ADAMTSL1: variants seen among roughly 807,000 people sequenced by gnomAD.
ADAMTSL1 encodes the protein ADAMTS like 1, also known as ADAMTS-like protein 1.
ADAMTSL1 carries 126 observed loss-of-function variants against 201.8 expected under a neutral mutation model. The ratio of observed to expected loss-of-function variants is 0.62; its 90% CI spans 0.54 to 0.72. The LOEUF (loss-of-function observed/expected upper bound fraction) is 0.72. Ranked by LOEUF, ADAMTSL1 falls within the 30% of genes least tolerant of loss-of-function variation. The probability of loss-of-function intolerance (pLI) is 0.00; values close to 1 mark genes in which losing one functional copy is unlikely to be tolerated. For synonymous variants in ADAMTSL1, 1,121 were observed against 903.4 expected (o/e 1.24, Z -4.32); for missense variants, 2,679 against 2,277.8 (o/e 1.18, Z -3.59).
chr9:17,973,709 C>T (rs10963374), intron 1 of ADAMTSL1, among the ~76,000 whole-genome samples: 91,952 of 113,964 alleles, frequency 0.81, 37,808 homozygotes, highest in East Asian at 0.94. Flanking sequence ...AAGAAAGTCA[C>T]TGGTAGCTTG....
At chr9:18,088,681 G>A (rs1268679064) in intron 1 of ADAMTSL1, among the ~76,000 whole-genome samples, 3 of 152,238 alleles carry the variant, frequency 2.0e-5, no homozygotes, top group East Asian at 1.9e-4. Flanking sequence ...AATCCACAAT[G>A]AGATATGACC....
chr9:18,816,176 G>T (rs1823838391), intron 20 of ADAMTSL1, among the ~76,000 whole-genome samples: 2 of 152,198 alleles, frequency 1.3e-5, no homozygotes, highest in South Asian at 2.1e-4. Context: ...TAACCACTAT[G>T]CTACTCTCTA....
rs141285715 is a variant in ADAMTSL1, at chr9:18,155,905, T to A, written c.88-7957T>A. On this transcript the variant is annotated intron_variant, in intron 1 of 29. Coordinates refer to the ADAMTSL1 transcript ENST00000680146. ...AGATAAGATTAGGAATACAAGAGATTTACTGGGAAAAAAGGTGAGGGGTCA... is the reference window on the plus strand; with the variant it reads ...AGATAAGATTAGGAATACAAGAGATATACTGGGAAAAAAGGTGAGGGGTCA... Among the ~76,000 whole-genome samples the A allele has an allele frequency of 5.2e-3, 786 of 152,076 alleles. 6 individuals are homozygous for A. The highest frequency in any genetic ancestry group is 0.018 in the African/African-American group (754 of 41,500).
chr9:18,451,228 A>G (rs1351102546), intron 2 of ADAMTSL1, among the ~76,000 whole-genome samples: 1 of 152,198 alleles, frequency 6.6e-6, no homozygotes, highest in Non-Finnish European at 1.5e-5. Flanking sequence ...TACTCCTTGG[A>G]AAGATGTTGG....
At chr9:18,022,168 C>T (rs1426099224) in intron 1 of ADAMTSL1, among the ~76,000 whole-genome samples, 1 of 152,052 alleles carries the variant, frequency 6.6e-6, no homozygotes, top group Non-Finnish European at 1.5e-5. Context: ...TTTGGTTCAG[C>T]ACTTTCTCTG....
chr9:18,035,480 C>A (rs531578228), intron 1 of ADAMTSL1, among the ~76,000 whole-genome samples: 1 of 152,080 alleles, frequency 6.6e-6, no homozygotes, highest in African/African-American at 2.4e-5. Flanking sequence ...GAAAGCAGTC[C>A]GTTTACTTGG....
intron 1 of ADAMTSL1, among the ~76,000 whole-genome samples, chr9:18,040,118 A>G (rs930142132): frequency 5.9e-5 from 9 of 152,204 alleles, no homozygotes; most frequent in Admixed American, 4.6e-4. Context: ...CAGATTAAAA[A>G]TAAGCCAGGT....
At position 18,897,125 on chromosome 9, in the gene ADAMTSL1, C is replaced by G. The variant is rs568406326; in HGVS notation, c.4851+4529C>G. On this transcript the variant is annotated intron_variant, in intron 26 of 28. Transcript: ENST00000380548. ...CACACCTGCTGTGCCAGATAGTGGC[C>G]AGAATGATTGTTTAAGTGGGACCCT... Among the ~76,000 whole-genome samples the G allele has an allele frequency of 2.6e-5, 4 of 152,286 alleles. No homozygotes were observed. In the East Asian group the frequency reaches 5.8e-4, roughly 22 times the overall value.
At chr9:18,574,655 A>G (rs1486056931) in intron 4 of ADAMTSL1, 1 of 303,618 alleles carries the variant, frequency 3.3e-6, no homozygotes, top group East Asian at 5.2e-5. Context: ...CAGTTTCAGA[A>G]TAAATCAGGT....
At chr9:18,532,690 T>A (rs759044607) in intron 2 of ADAMTSL1, among the ~76,000 whole-genome samples, 4 of 151,920 alleles carry the variant, frequency 2.6e-5, no homozygotes, top group Non-Finnish European at 5.9e-5. Flanking sequence ...TGTCTTTAGA[T>A]GAGGCAACTA....
intron 2 of ADAMTSL1, among the ~76,000 whole-genome samples, chr9:18,182,130 G>A (rs1364665875): frequency 2.8e-5 from 4 of 145,172 alleles, no homozygotes; most frequent in South Asian, 2.3e-4. Context: ...ACACTCTGGG[G>A]CCTGTTGTGG....
intron 2 of ADAMTSL1, among the ~76,000 whole-genome samples, chr9:18,466,731 T>G (rs1821020494): frequency 6.6e-6 from 1 of 152,122 alleles, no homozygotes. Flanking sequence ...TATTTCTTTG[T>G]GACATAATAT....
intron 21 of ADAMTSL1, 46 bp from the exon 22 acceptor site, chr9:18,826,238 G>A (rs1431477189): frequency 6.4e-7 from 1 of 1,555,190 alleles, no homozygotes; most frequent in African/African-American, 1.4e-5. Context: ...ACCTGAATGT[G>A]TTTGACTGAT....
chr9:18,022,534 C>T (rs950005728), intron 1 of ADAMTSL1, among the ~76,000 whole-genome samples: 2 of 151,548 alleles, frequency 1.3e-5, no homozygotes, highest in South Asian at 2.1e-4. Flanking sequence ...ATAAAGAAAA[C>T]GTAATGTTAT....
intron 9 of ADAMTSL1, among the ~76,000 whole-genome samples, chr9:18,666,447 C>T (rs1271847311): frequency 1.3e-5 from 2 of 152,144 alleles, no homozygotes; most frequent in East Asian, 3.8e-4. Flanking sequence ...TACTGGTAGT[C>T]CCAATGGGCA....
chr9:18,287,655 A>ATAT (rs200724200), intron 2 of ADAMTSL1, among the ~76,000 whole-genome samples: 56 of 142,690 alleles, frequency 3.9e-4, no homozygotes, highest in Middle Eastern at 8.0e-3. Flanking sequence ...GTATACATAT[A>ATAT]CACATATATG....
intron 26 of ADAMTSL1, among the ~76,000 whole-genome samples, chr9:18,903,792 G>A (rs189724506): frequency 2.4e-4 from 36 of 150,968 alleles, no homozygotes; most frequent in African/African-American, 2.9e-4. Flanking sequence ...CACAGAACCC[G>A]CATATACAAA....
At chr9:18,462,643 A>G (rs1820850731) in intron 2 of ADAMTSL1, among the ~76,000 whole-genome samples, 1 of 152,160 alleles carries the variant, frequency 6.6e-6, no homozygotes, top group Non-Finnish European at 1.5e-5. Flanking sequence ...TAATCAGTAG[A>G]AGAAGGAAAA....
intron 1 of ADAMTSL1, among the ~76,000 whole-genome samples, chr9:18,017,513 C>G (rs922304513): frequency 2.0e-5 from 3 of 151,970 alleles, no homozygotes; most frequent in Non-Finnish European, 2.9e-5. Flanking sequence ...ATTTCCCCCT[C>G]TACTCATGGA....
Sources: allele counts gnomAD v4.1 joint callset (sites outside exome capture counted in the v4.1 genomes callset), GRCh38; gene constraint gnomAD v4.1.1; transcripts MANE v1.5; gene names NCBI Gene and HGNC (gene_info 2026-07-23, HGNC 2026-07-21).